CYP39A1: variants seen among roughly 807,000 people sequenced by gnomAD.
CYP39A1 encodes 24-hydroxycholesterol 7-alpha-hydroxylase.
Under a neutral mutation model 58.1 loss-of-function variants are expected in CYP39A1, and 49 were observed. The observed-to-expected ratio is 0.84, with a 90% CI of 0.67 to 1.07. The LOEUF (loss-of-function observed/expected upper bound fraction) is 1.07, where lower values mean the gene tolerates loss of function less well. CYP39A1 is among the 50% of genes least tolerant of loss of function. The pLI, the probability that CYP39A1 is intolerant of heterozygous loss-of-function variation, is 0.00. For missense variants in CYP39A1, 531 were observed against 539.4 expected (o/e 0.98, Z 0.16); for synonymous variants, 209 against 187.6 (o/e 1.11, Z -0.93).
intron 10 of CYP39A1, among the ~76,000 whole-genome samples, chr6:46,570,791 A>T (rs1371805579): frequency 6.6e-6 from 1 of 152,190 alleles, no homozygotes; most frequent in Non-Finnish European, 1.5e-5. Context: ...GTTCATTGCC[A>T]TAGAAAGGCC....
intron 8 of CYP39A1, among the ~76,000 whole-genome samples, chr6:46,593,137 GCTGAAACTTTGGTTTCTATATTA>G (rs1194147705): frequency 6.6e-6 from 1 of 152,124 alleles, no homozygotes; most frequent in Non-Finnish European, 1.5e-5. Context: ...TTTACACTAT[GCTGAAACTTTGGTTTCTATATTA>G]ATGTCATACA....
intron 7 of CYP39A1, among the ~76,000 whole-genome samples, chr6:46,622,643 A>G (rs1775034906): frequency 6.7e-6 from 1 of 149,476 alleles, no homozygotes; most frequent in Non-Finnish European, 1.5e-5. Flanking sequence ...ATTAAAAAAT[A>G]AAAACACAGC....
intron 7 of CYP39A1, among the ~76,000 whole-genome samples, chr6:46,600,206 A>G (rs1470726526): frequency 6.6e-6 from 1 of 151,534 alleles, no homozygotes; most frequent in Non-Finnish European, 1.5e-5. Context: ...TTGGCTCACT[A>G]CAACCTCTGA....
chr6:46,627,363 T>C (rs548670248), intron 6 of CYP39A1, among the ~76,000 whole-genome samples: 56 of 152,338 alleles, frequency 3.7e-4, no homozygotes, highest in South Asian at 1.0e-3. Flanking sequence ...TACTACTTTT[T>C]AAATGACAAA....
chr6:46,578,030 A>G (rs1187318251), intron 10 of CYP39A1, among the ~76,000 whole-genome samples: 2 of 152,128 alleles, frequency 1.3e-5, no homozygotes, highest in Admixed American at 1.3e-4. Context: ...GCTGGGTCAT[A>G]AAAGCAATAC....
At chr6:46,583,749 T>C (rs1317777693) in intron 10 of CYP39A1, among the ~76,000 whole-genome samples, 2 of 152,194 alleles carry the variant, frequency 1.3e-5, no homozygotes, top group Non-Finnish European at 2.9e-5. Flanking sequence ...TCTTCCATTC[T>C]GATTTTTGGT....
At chr6:46,591,193 T>C (rs1402897454) in intron 8 of CYP39A1, among the ~76,000 whole-genome samples, 1 of 152,182 alleles carries the variant, frequency 6.6e-6, no homozygotes, top group Non-Finnish European at 1.5e-5. Context: ...TACATTTTTA[T>C]GTTTTTACAT....
chr6:46,567,184 A>G (rs1371504574), intron 10 of CYP39A1, among the ~76,000 whole-genome samples: 1 of 152,100 alleles, frequency 6.6e-6, no homozygotes, highest in Non-Finnish European at 1.5e-5. Flanking sequence ...TCACTGTTTC[A>G]ATGAGTTCAA....
intron 10 of CYP39A1, among the ~76,000 whole-genome samples, chr6:46,556,182 T>C (rs71566581): frequency 3.9e-5 from 6 of 152,300 alleles, no homozygotes; most frequent in South Asian, 2.1e-4. Flanking sequence ...AACTCCAGTG[T>C]AGGACAAAGA....
Position 46,619,016 on chromosome 6 carries a change from C to T in CYP39A1, c.931+6402G>A, listed in dbSNP as rs187147253. Among the ~76,000 whole-genome samples the T allele has an allele frequency of 1.0e-3, 155 of 152,224 alleles. 1 individual carries two copies. Among genetic ancestry groups the T allele is most frequent in the African/African-American group, 3.5e-3 (144 of 41,556 alleles). ...GAAACCACTCTACAGTTTAGAGCCC[C>T]TGGGGATTATTCAAACTAGCTAATG... is the stretch of plus-strand genomic sequence containing the variant. On this transcript the variant is annotated intron_variant, in intron 7 of 11. Transcript: ENST00000275016.
intron 5 of CYP39A1, among the ~76,000 whole-genome samples, chr6:46,634,140 G>A (rs1032268465): frequency 7.2e-5 from 11 of 152,176 alleles, no homozygotes; most frequent in African/African-American, 2.2e-4. Flanking sequence ...GGAGGTAACC[G>A]AATCATGGGA....
intron 7 of CYP39A1, among the ~76,000 whole-genome samples, chr6:46,597,327 C>A (rs16874838): frequency 0.074 from 11,301 of 152,040 alleles, 711 homozygotes; most frequent in Admixed American, 0.17. Flanking sequence ...AGGTAAGAGA[C>A]AAGCACACAG....
At chr6:46,611,766 T>C (rs896690649) in intron 7 of CYP39A1, among the ~76,000 whole-genome samples, 1 of 152,108 alleles carries the variant, frequency 6.6e-6, no homozygotes, top group Non-Finnish European at 1.5e-5. Flanking sequence ...GGGTAGATAA[T>C]AATATGTGAA....
intron 10 of CYP39A1, among the ~76,000 whole-genome samples, chr6:46,555,113 T>C (rs1770607506): frequency 6.6e-6 from 1 of 151,992 alleles, no homozygotes; most frequent in African/African-American, 2.4e-5. Flanking sequence ...CAGCCAGCCC[T>C]TGAAGATCTG....
intron 7 of CYP39A1, among the ~76,000 whole-genome samples, chr6:46,623,970 CTAT>C (rs1270232815): frequency 6.7e-6 from 1 of 150,210 alleles, no homozygotes; most frequent in Non-Finnish European, 1.5e-5. Flanking sequence ...AGTGGTAGTA[CTAT>C]TCGAAGGAGC....
chr6:46,592,398 T>G (rs1244995016), intron 8 of CYP39A1, among the ~76,000 whole-genome samples: 1 of 152,178 alleles, frequency 6.6e-6, no homozygotes, highest in Non-Finnish European at 1.5e-5. Context: ...AAACTTCAGT[T>G]CAGCAAAAAC....
chr6:46,642,208 T>C lies in CYP39A1; in HGVS notation c.268A>G (p.Lys90Glu). The change falls in exon 2 of 12, where the codon AAA becomes GAA. Residue 90 changes from lysine (K) to glutamate (E), a missense_variant. By Grantham distance (56) the Lys-to-Glu change is moderately conservative. Coordinates refer to ENST00000275016, the MANE Select transcript of CYP39A1 (RefSeq NM_016593.5). Reference protein sequence around the residue: ...EGINVFLKSKKVDFELAVQNI... With the variant: ...EGINVFLKSKEVDFELAVQNI... ...TGCACTGCTAGTTCAAAATCTACTTTTTTGGATTTTAGAAACACATTAATT... is the reference window on the plus strand; with the variant it reads ...TGCACTGCTAGTTCAAAATCTACTTCTTTGGATTTTAGAAACACATTAATT... 6.2e-7 allele frequency: 1 copy of C among 1,613,046 alleles called. No homozygotes were observed. Among genetic ancestry groups the C allele is most frequent in the Non-Finnish European group, 8.5e-7 (1 of 1,179,392 alleles).
rs1292342096 is a variant in CYP39A1 at position 46,587,109 on chromosome 6, T to C, written c.1218A>G (p.Ala406=). 3 of 1,612,094 alleles carry C rather than the reference T, an allele frequency of 1.9e-6. No homozygotes were observed. The highest frequency in any genetic ancestry group is 2.5e-6 in the Non-Finnish European group (3 of 1,179,182). ...EKHSFLDCFM[A]FGSGKFQCPA... ...GACACTGGAACTTCCCGCTTCCAAA[T>C]GCCATGAAGCAGTCCAAGAAAGAGT... Residue 406 remains alanine (A), a synonymous_variant, in exon 10 of 12, where the codon GCA becomes GCG. Coordinates refer to ENST00000275016, the MANE Select transcript of CYP39A1 (RefSeq NM_016593.5).
intron 6 of CYP39A1, among the ~76,000 whole-genome samples, chr6:46,629,886 G>A (rs910686614): frequency 2.0e-5 from 3 of 151,536 alleles, no homozygotes; most frequent in Admixed American, 1.3e-4. Context: ...TGAACATGAC[G>A]TGACAGACAA....
Sources: allele counts gnomAD v4.1 joint callset (sites outside exome capture counted in the v4.1 genomes callset), GRCh38; gene constraint gnomAD v4.1.1; transcripts MANE v1.5; gene names NCBI Gene and HGNC (gene_info 2026-07-23, HGNC 2026-07-21).